TENM2: variants seen among roughly 807,000 people sequenced by gnomAD.
The protein encoded by TENM2 is teneurin transmembrane protein 2, also known as teneurin-2.
In TENM2, 52 loss-of-function variants were observed where a neutral mutation model predicts 245.2. That is an observed-to-expected ratio of 0.21 (90% CI 0.17 to 0.27). The LOEUF is 0.27. Ranked by LOEUF, TENM2 falls within the 10% of genes least tolerant of loss-of-function variation. The pLI is 1.00. For synonymous variants in TENM2, 1,363 were observed against 1,438.9 expected (o/e 0.95, Z 1.19); for missense variants, 3,046 against 3,666.8 (o/e 0.83, Z 4.37).
chr5:167,655,403 G>A (rs1754775082), intron 2 of TENM2, among the ~76,000 whole-genome samples: 2 of 152,104 alleles, frequency 1.3e-5, no homozygotes, highest in Admixed American at 1.3e-4. Flanking sequence ...TAATCATATG[G>A]CCACCTCTTG....
At chr5:168,191,348 T>A (rs974191292) in intron 14 of TENM2, among the ~76,000 whole-genome samples, 1 of 152,198 alleles carries the variant, frequency 6.6e-6, no homozygotes, top group South Asian at 2.1e-4. Flanking sequence ...CGTATGATTC[T>A]GAGGGTAGAG....
At chr5:167,138,662 G>A in the TENM2 span, among the ~76,000 whole-genome samples, 6 of 151,884 alleles carry the variant, frequency 4.0e-5, no homozygotes, top group African/African-American at 7.3e-5. Flanking sequence ...TGCTCTTGTC[G>A]CCCAGGCCAC....
intron 12 of TENM2, among the ~76,000 whole-genome samples, chr5:168,150,859 G>A (rs1185125484): frequency 2.0e-5 from 3 of 152,136 alleles, no homozygotes; most frequent in Non-Finnish European, 4.4e-5. Context: ...ATGACCCTGG[G>A]AAAGTTAATT....
intron 2 of TENM2, among the ~76,000 whole-genome samples, chr5:167,699,129 A>G (rs1474589145): frequency 6.6e-6 from 1 of 152,146 alleles, no homozygotes; most frequent in Non-Finnish European, 1.5e-5. Flanking sequence ...GATTAGTAAA[A>G]AGAAATATAT....
intron 2 of TENM2, among the ~76,000 whole-genome samples, chr5:167,458,932 A>C (rs1766112860): frequency 6.6e-6 from 1 of 152,242 alleles, no homozygotes; most frequent in Non-Finnish European, 1.5e-5. Flanking sequence ...TACTGTTTGC[A>C]TTAAAAATAA....
the TENM2 span, among the ~76,000 whole-genome samples, chr5:167,023,975 A>G: frequency 1.3e-5 from 2 of 152,320 alleles, no homozygotes; most frequent in Non-Finnish European, 2.9e-5. Flanking sequence ...CAAAATTCAT[A>G]TATATATAGG....
At chr5:167,802,144 G>A (rs1765829930) in intron 2 of TENM2, among the ~76,000 whole-genome samples, 2 of 152,148 alleles carry the variant, frequency 1.3e-5, no homozygotes, top group South Asian at 2.1e-4. Context: ...ATTCATGAGG[G>A]CAGAGCCTTC....
chr5:167,663,535 T>G (rs1351220612), intron 2 of TENM2, among the ~76,000 whole-genome samples: 1 of 152,190 alleles, frequency 6.6e-6, no homozygotes. Context: ...TTTACTCCAT[T>G]GTGACTAGAT....
At chr5:167,948,714 C>T (rs976242192) in intron 3 of TENM2, 2 of 152,132 alleles carry the variant, frequency 1.3e-5, no homozygotes, top group Admixed American at 1.3e-4. Flanking sequence ...TATATAGTTT[C>T]TTATGTTTAA....
intron 2 of TENM2, among the ~76,000 whole-genome samples, chr5:167,377,489 A>G (rs978874428): frequency 1.3e-5 from 2 of 152,204 alleles, no homozygotes; most frequent in Non-Finnish European, 2.9e-5. Flanking sequence ...ATATACAGGT[A>G]GAATGTCTTT....
chr5:167,862,166 T>G (rs542195607), intron 2 of TENM2, among the ~76,000 whole-genome samples: 53 of 152,264 alleles, frequency 3.5e-4, no homozygotes, highest in African/African-American at 1.2e-3. Context: ...AAGGCATTAT[T>G]TATGAAAATA....
intron 4 of TENM2, among the ~76,000 whole-genome samples, chr5:167,990,186 C>T (rs1358622086): frequency 6.6e-6 from 1 of 152,190 alleles, no homozygotes. Flanking sequence ...TTCTCTGTCA[C>T]CCTGGCTTTC....
Position 167,651,236 on chromosome 5 carries a change from A to G in TENM2, c.503-224750A>G, listed in dbSNP as rs145899803. ...ATGTCACGGCTAGGCAAAAACTGTA[A>G]GAACAAAGTGTAAGGCTGAATATAT... On this transcript the variant is annotated intron_variant, in intron 2 of 28. Coordinates refer to ENST00000518659, the Ensembl canonical transcript of TENM2. Among the ~76,000 whole-genome samples the G allele has an allele frequency of 1.3e-3, 193 of 152,260 alleles. 3 individuals are homozygous for G. In the East Asian group the frequency reaches 0.032, roughly 26 times the overall value.
chr5:167,066,243 C>A, the TENM2 span, among the ~76,000 whole-genome samples: 1 of 152,134 alleles, frequency 6.6e-6, no homozygotes, highest in East Asian at 1.9e-4. Context: ...TACTATATTA[C>A]CAAACCAAGG....
chr5:168,248,741 T>C (rs762490692), intron 27 of TENM2, among the ~76,000 whole-genome samples: 8 of 152,236 alleles, frequency 5.3e-5, no homozygotes, highest in Non-Finnish European at 8.8e-5. Flanking sequence ...CTTGGACTAG[T>C]TGTTCAATCT....
intron 2 of TENM2, among the ~76,000 whole-genome samples, chr5:167,426,825 A>T (rs1763854099): frequency 6.6e-6 from 1 of 152,182 alleles, no homozygotes; most frequent in African/African-American, 2.4e-5. Flanking sequence ...AGAAAAAAAA[A>T]TCAACAACAT....
At chr5:168,192,704 C>G (rs749355249) in intron 14 of TENM2, among the ~76,000 whole-genome samples, 5 of 152,168 alleles carry the variant, frequency 3.3e-5, no homozygotes, top group Non-Finnish European at 5.9e-5. Context: ...CTTGTTAAAT[C>G]CTAGCTCTAG....
chr5:168,026,723 A>G (rs191023986), intron 5 of TENM2, among the ~76,000 whole-genome samples: 2 of 152,166 alleles, frequency 1.3e-5, no homozygotes, highest in East Asian at 1.9e-4. Context: ...CACTTATCTC[A>G]TAGGGGAGGT....
intron 2 of TENM2, among the ~76,000 whole-genome samples, chr5:167,696,829 A>G (rs1306294642): frequency 6.6e-6 from 1 of 152,056 alleles, no homozygotes; most frequent in Non-Finnish European, 1.5e-5. Flanking sequence ...ACCATTCCTT[A>G]CTTCCCACCT....
Sources: allele counts gnomAD v4.1 joint callset (sites outside exome capture counted in the v4.1 genomes callset), GRCh38; gene constraint gnomAD v4.1.1; transcripts MANE v1.5; gene names NCBI Gene and HGNC (gene_info 2026-07-23, HGNC 2026-07-21).